LHFPL6: variants seen among roughly 807,000 people sequenced by gnomAD.
LHFPL6 encodes the protein LHFPL tetraspan subfamily member 6 protein.
A neutral mutation model predicts 20.6 loss-of-function variants in LHFPL6; 9 were observed. That is an observed-to-expected ratio of 0.44 (90% CI 0.26 to 0.76). The LOEUF (loss-of-function observed/expected upper bound fraction) is 0.76, where lower values mean the gene tolerates loss of function less well. Among genes scored for constraint, LHFPL6 ranks in the 30% least tolerant of loss-of-function variants. The pLI, the probability that LHFPL6 is intolerant of heterozygous loss-of-function variation, is 0.20. For missense variants in LHFPL6, 218 were observed against 253.5 expected (o/e 0.86, Z 0.95); for synonymous variants, 105 against 98.7 (o/e 1.06, Z -0.38).
At chr13:39,568,184 C>A (rs1318983189) in intron 2 of LHFPL6, among the ~76,000 whole-genome samples, 1 of 151,792 alleles carries the variant, frequency 6.6e-6, no homozygotes, top group Non-Finnish European at 1.5e-5. Context: ...AAATGAGTTG[C>A]ATGTATTTTC....
At chr13:39,370,816 A>G (rs1049579069) in intron 3 of LHFPL6, among the ~76,000 whole-genome samples, 4 of 152,256 alleles carry the variant, frequency 2.6e-5, no homozygotes, top group Non-Finnish European at 5.9e-5. Flanking sequence ...ATTGAATGTC[A>G]CAGAGACCAA....
intron 2 of LHFPL6, among the ~76,000 whole-genome samples, chr13:39,537,879 G>C (rs1043572823): frequency 7.9e-5 from 12 of 152,016 alleles, no homozygotes; most frequent in Admixed American, 6.6e-4. Context: ...ACACAGTCTA[G>C]AGGGCACCCT....
In LHFPL6 at chr13:39,514,722, A is replaced by G. The variant is rs186448359; in HGVS notation, c.385+86110T>C. Among the ~76,000 whole-genome samples the G allele has an allele frequency of 1.6e-3, 240 of 152,380 alleles. 2 individuals are homozygous for G. Among genetic ancestry groups the G allele is most frequent in the African/African-American group, 5.6e-3 (233 of 41,586 alleles). On this transcript the variant is annotated intron_variant, in intron 2 of 3. Transcript: ENST00000379589. The stretch of plus-strand genomic sequence containing the variant: ...AAAACAGGAACAGGGAAAGGGAAGC[A>G]AAACACTGAATTCAACGTGAATGCA...
chr13:39,458,591 C>G (rs1872623314), intron 2 of LHFPL6, among the ~76,000 whole-genome samples: 1 of 151,422 alleles, frequency 6.6e-6, no homozygotes, highest in South Asian at 2.1e-4. Flanking sequence ...TGCAGCTACT[C>G]AGGAGGCTGA....
chr13:39,477,345 G>GT (rs1225538682), intron 2 of LHFPL6, among the ~76,000 whole-genome samples: 1 of 152,192 alleles, frequency 6.6e-6, no homozygotes, highest in Non-Finnish European at 1.5e-5. Flanking sequence ...GAATCTCTGT[G>GT]TAAGTTTCTT....
intron 2 of LHFPL6, among the ~76,000 whole-genome samples, chr13:39,413,673 G>T (rs1871287566): frequency 6.7e-6 from 1 of 150,342 alleles, no homozygotes; most frequent in African/African-American, 2.4e-5. Context: ...GTTTGCATTT[G>T]CACAAGTGTA....
chr13:39,435,720 G>A (rs1302442993), intron 2 of LHFPL6, among the ~76,000 whole-genome samples: 2 of 152,022 alleles, frequency 1.3e-5, no homozygotes, highest in Non-Finnish European at 2.9e-5. Context: ...ACAATTACCT[G>A]TCAAGTTTTG....
intron 2 of LHFPL6, among the ~76,000 whole-genome samples, chr13:39,595,170 TA>T (rs1281976739): frequency 2.0e-5 from 3 of 151,950 alleles, no homozygotes; most frequent in African/African-American, 7.2e-5. Context: ...TACAAACATA[TA>T]AAATTTTGTG....
intron 2 of LHFPL6, among the ~76,000 whole-genome samples, chr13:39,438,604 C>G (rs1167654438): frequency 6.6e-6 from 1 of 152,232 alleles, no homozygotes; most frequent in Non-Finnish European, 1.5e-5. Flanking sequence ...CTATCACAGG[C>G]CCAGAGGCCA....
intron 2 of LHFPL6, among the ~76,000 whole-genome samples, chr13:39,446,796 T>C (rs1364538375): frequency 6.6e-6 from 1 of 152,204 alleles, no homozygotes; most frequent in African/African-American, 2.4e-5. Flanking sequence ...CTGTTAACTA[T>C]ATGCAATACA....
intron 2 of LHFPL6, among the ~76,000 whole-genome samples, chr13:39,510,647 A>AAC (rs146898558): frequency 0.023 from 3,487 of 151,946 alleles, 135 homozygotes; most frequent in African/African-American, 0.08. Context: ...AGAAAGAGAA[A>AAC]ACACACACAC....
intron 3 of LHFPL6, among the ~76,000 whole-genome samples, chr13:39,364,821 A>G (rs1224010283): frequency 6.6e-6 from 1 of 152,102 alleles, no homozygotes; most frequent in Non-Finnish European, 1.5e-5. Context: ...AAAATGGTTT[A>G]CCCTTTGTCT....
At chr13:39,527,610 T>C (rs1171091203) in intron 2 of LHFPL6, among the ~76,000 whole-genome samples, 3 of 152,190 alleles carry the variant, frequency 2.0e-5, no homozygotes, top group Admixed American at 2.0e-4. Context: ...AAACTGAGTG[T>C]TCCTTCTGGT....
intron 2 of LHFPL6, among the ~76,000 whole-genome samples, chr13:39,548,586 C>T (rs1286169897): frequency 6.6e-6 from 1 of 151,982 alleles, no homozygotes; most frequent in African/African-American, 2.4e-5. Flanking sequence ...TATTACCTAC[C>T]TTCAGAATCA....
At chr13:39,480,270 A>G (rs1481664387) in intron 2 of LHFPL6, among the ~76,000 whole-genome samples, 1 of 152,196 alleles carries the variant, frequency 6.6e-6, no homozygotes, top group Non-Finnish European at 1.5e-5. Flanking sequence ...GTTAATGTAT[A>G]TTTAAATGAA....
intron 2 of LHFPL6, among the ~76,000 whole-genome samples, chr13:39,584,456 G>A (rs1872383126): frequency 6.6e-6 from 1 of 151,312 alleles, no homozygotes; most frequent in Admixed American, 6.6e-5. Flanking sequence ...GAACCTGGGA[G>A]GCGGAAGTTG....
chr13:39,449,561 A>G (rs1389431811), intron 2 of LHFPL6, among the ~76,000 whole-genome samples: 7 of 152,228 alleles, frequency 4.6e-5, no homozygotes. Context: ...CATTCAGTTT[A>G]AAGTTTGGGA....
intron 2 of LHFPL6, among the ~76,000 whole-genome samples, chr13:39,483,798 T>C (rs572548647): frequency 2.0e-5 from 3 of 152,208 alleles, no homozygotes; most frequent in Non-Finnish European, 4.4e-5. Flanking sequence ...CTTGTGATTA[T>C]CTGCCACCCT....
chr13:39,470,418 T>C (rs1026057521), intron 2 of LHFPL6, among the ~76,000 whole-genome samples: 3 of 152,170 alleles, frequency 2.0e-5, no homozygotes, highest in African/African-American at 4.8e-5. Context: ...ATATGCCAGT[T>C]TTTATACGGT....
Sources: allele counts gnomAD v4.1 joint callset (sites outside exome capture counted in the v4.1 genomes callset), GRCh38; gene constraint gnomAD v4.1.1; transcripts MANE v1.5; gene names NCBI Gene and HGNC (gene_info 2026-07-23, HGNC 2026-07-21).